Variants in DNM1L observed in about 807,000 individuals in gnomAD.
The protein encoded by DNM1L is dynamin 1L.
In DNM1L, 33 loss-of-function variants were observed where a neutral mutation model predicts 92.8. The ratio of observed to expected loss-of-function variants is 0.36; its 90% confidence interval spans 0.27 to 0.48. DNM1L has a LOEUF of 0.48. Among genes scored for constraint, DNM1L ranks in the 20% least tolerant of loss-of-function variants. The pLI, the probability that DNM1L is intolerant of heterozygous loss-of-function variation, is 0.99. For synonymous variants in DNM1L, 284 were observed against 305.0 expected (o/e 0.93, Z 0.72); for missense variants, 485 against 888.8 (o/e 0.55, Z 5.78).
At chr12:32,727,981 C>T (rs1954263111) in intron 9 of DNM1L, among the ~76,000 whole-genome samples, 1 of 152,120 alleles carries the variant, frequency 6.6e-6, no homozygotes, top group Non-Finnish European at 1.5e-5. Flanking sequence ...TGTTTTACTA[C>T]CAGCAAGAAC....
At chr12:32,724,244 G>T (rs748963645) in intron 9 of DNM1L, among the ~76,000 whole-genome samples, 6 of 151,936 alleles carry the variant, frequency 3.9e-5, no homozygotes, top group Non-Finnish European at 8.8e-5. Context: ...AAAATTGTTG[G>T]ACCTTGTGAA....
rs2059076597 is a variant in DNM1L at position 32,745,043 on chromosome 12, G to A, written c.*1633G>A. On this transcript the variant is annotated 3_prime_UTR_variant, in exon 20 of 20. Coordinates refer to ENST00000549701, the MANE Select transcript of DNM1L (RefSeq NM_012062.5). ...TAGCTTATGGCATCAATTTACTAAG[G>A]AACAACAGGCTCACCAACTGATGTC... is the stretch of plus-strand genomic sequence containing the variant. The A allele has an allele frequency of 2.0e-6, 1 of 510,342 alleles. No homozygotes were observed. The highest frequency in any genetic ancestry group is 1.4e-5 in the South Asian group (1 of 69,636). 31.6% of individuals were successfully genotyped at this position (510,342 alleles called of 1,614,324 possible).
At position 32,731,973 on chromosome 12, in the gene DNM1L, T is replaced by C. The variant is rs762953352; in HGVS notation, c.1446+30T>C. ...GCTACTATAGCATAGATCATTGTAA[T>C]TACTATTAGTAAAAGTTTAAATTTT... On this transcript the variant is annotated intron_variant, in intron 12 of 19. Coordinates refer to ENST00000549701, the MANE Select transcript of DNM1L (RefSeq NM_012062.5). The surrounding 1 kb of genome is among the most constrained non-coding windows in gnomAD (Gnocchi z 5.1). The C allele has an allele frequency of 6.5e-7, 1 of 1,541,654 alleles. No individual in the cohort carries two copies. The highest frequency in any genetic ancestry group is 9.0e-7 in the Non-Finnish European group (1 of 1,115,094).
intron 1 of DNM1L, among the ~76,000 whole-genome samples, chr12:32,696,265 G>A (rs1004473553): frequency 2.0e-5 from 3 of 152,054 alleles, no homozygotes; most frequent in Non-Finnish European, 4.4e-5. Flanking sequence ...GCCAGGTGTG[G>A]TAGCTCATAC....
chr12:32,688,330 T>G (rs145848653), intron 1 of DNM1L, among the ~76,000 whole-genome samples: 4 of 152,354 alleles, frequency 2.6e-5, no homozygotes, highest in Non-Finnish European at 5.9e-5. Flanking sequence ...TATTGGCATC[T>G]TAACCATTTT....
At chr12:32,702,434 A>G (rs550756592) in intron 2 of DNM1L, among the ~76,000 whole-genome samples, 1 of 152,178 alleles carries the variant, frequency 6.6e-6, no homozygotes, top group South Asian at 2.1e-4. Flanking sequence ...TAATCTTCCT[A>G]TTTAGTTCAG....
intron 9 of DNM1L, chr12:32,726,650 A>C: frequency 1.3e-6 from 1 of 742,964 alleles, no homozygotes; most frequent in South Asian, 1.7e-5. Flanking sequence ...CAGGAGGGGC[A>C]AGAAAATTAA....
intron 9 of DNM1L, chr12:32,725,167 G>A (rs1345436639): frequency 6.6e-6 from 1 of 151,780 alleles, no homozygotes; most frequent in Non-Finnish European, 1.5e-5. Context: ...GGTAAAAACT[G>A]AGTATAACCC....
intron 16 of DNM1L, 90 bp downstream of exon 16, chr12:32,738,386 A>G: frequency 7.4e-7 from 1 of 1,355,556 alleles, no homozygotes; most frequent in Non-Finnish European, 1.1e-6. Flanking sequence ...CTGTTTGTGT[A>G]GTGGTATCTA....
chr12:32,688,503 G>A (rs541529324), intron 1 of DNM1L, among the ~76,000 whole-genome samples: 1 of 152,260 alleles, frequency 6.6e-6, no homozygotes, highest in South Asian at 2.1e-4. Flanking sequence ...TGGCCCCTAT[G>A]GTTTCTGATG....
intron 18 of DNM1L, 86 bp from the exon 19 acceptor site, chr12:32,742,503 C>CT: frequency 6.5e-7 from 1 of 1,528,668 alleles, no homozygotes; most frequent in South Asian, 1.1e-5. Context: ...TCTTACTTAA[C>CT]TTTATTTCAT....
intron 8 of DNM1L, among the ~76,000 whole-genome samples, chr12:32,721,801 A>G (rs896185859): frequency 1.3e-5 from 2 of 152,318 alleles, no homozygotes; most frequent in Admixed American, 6.5e-5. Context: ...CTGACAGGCT[A>G]TAAGTCAGGG....
intron 2 of DNM1L, among the ~76,000 whole-genome samples, chr12:32,703,045 T>TTC (rs530683691): frequency 9.0e-6 from 1 of 111,554 alleles, no homozygotes; most frequent in Non-Finnish European, 2.0e-5. Flanking sequence ...TATTAGGTCT[T>TTC]TCTCTCTCTC....
At chr12:32,719,575 G>A (rs1336432069) in intron 7 of DNM1L, among the ~76,000 whole-genome samples, 1 of 151,596 alleles carries the variant, frequency 6.6e-6, no homozygotes, top group African/African-American at 2.4e-5. Flanking sequence ...AGTATTGAGT[G>A]TCTAATTAAA....
Position 32,740,462 on chromosome 12 carries a change from T to C in DNM1L, c.1938T>C (p.Val646=), listed in dbSNP as rs1272817588. ...CTCGGGAACAGCGAGATTGTGAGGTTATTGAACGACTCATTAAATCATATT... is the reference window on the plus strand; with the variant it reads ...CTCGGGAACAGCGAGATTGTGAGGTCATTGAACGACTCATTAAATCATATT... ...LSAREQRDCE[V]IERLIKSYFL... is the part of the protein sequence containing the mutation. Residue 646 remains valine (V), a synonymous_variant, in exon 18 of 20, where the codon GTT becomes GTC. Coordinates refer to ENST00000549701, the MANE Select transcript of DNM1L (RefSeq NM_012062.5). 1 of 1,614,122 alleles carries C rather than the reference T, an allele frequency of 6.2e-7. No individual in the cohort carries two copies.
chr12:32,713,507 G>C, intron 6 of DNM1L, 136 bp downstream of exon 6: 1 of 1,037,956 alleles, frequency 9.6e-7, no homozygotes, highest in East Asian at 2.6e-5. Context: ...TCCTATTTTT[G>C]TTTATAAAAA....
intron 9 of DNM1L, chr12:32,726,594 AG>A: frequency 8.5e-7 from 1 of 1,175,500 alleles, no homozygotes; most frequent in Non-Finnish European, 1.3e-6. Flanking sequence ...GTCTGCAGCA[AG>A]GATAGCTTCA....
At chr12:32,702,023 C>T (rs1952722493) in intron 2 of DNM1L, among the ~76,000 whole-genome samples, 1 of 149,604 alleles carries the variant, frequency 6.7e-6, no homozygotes, top group Non-Finnish European at 1.5e-5. Context: ...ATCACGAGGT[C>T]AGAAGTTCGA....
Position 32,731,527 on chromosome 12 carries a change from G to GT in DNM1L, c.1356+17dup, listed in dbSNP as rs757063372. 2 of 1,613,708 alleles carry GT rather than the reference G, an allele frequency of 1.2e-6. No individual in the cohort carries two copies. Among genetic ancestry groups the GT allele is most frequent in the Non-Finnish European group, 1.7e-6 (2 of 1,179,964 alleles). ...CAGTACACAGGTAACGGAGAGAAAT[G>GT]TAACAGGTTTCACATGAACTAGAAA... On this transcript the variant is annotated intron_variant, in intron 11 of 19. Transcript: ENST00000549701. The surrounding 1 kb of genome is among the most constrained non-coding windows in gnomAD (Gnocchi z 5.1).
Sources: gnomAD v4.1 joint callset for allele counts (sites outside exome capture counted in the v4.1 genomes callset) on GRCh38, gnomAD v4.1.1 for gene constraint, Gnocchi (gnomAD v3.1) non-coding constraint, MANE v1.5 for transcripts, NCBI Gene and HGNC (gene_info 2026-07-23, HGNC 2026-07-21) for gene names.